Variants in PDXDC1 observed in about 807,000 individuals in gnomAD.
PDXDC1 encodes the protein pyridoxal dependent decarboxylase domain containing 1.
In PDXDC1, 42 loss-of-function variants were observed where a neutral mutation model predicts 100.1. The observed-to-expected ratio is 0.42, with a 90% confidence interval of 0.33 to 0.54. The LOEUF (loss-of-function observed/expected upper bound fraction) is 0.54, where lower values mean the gene tolerates loss of function less well. PDXDC1 is among the 20% of genes least tolerant of loss of function. The pLI, the probability that PDXDC1 is intolerant of heterozygous loss-of-function variation, is 0.10. For missense variants in PDXDC1, 636 were observed against 979.2 expected, an observed-to-expected ratio of 0.65 and a Z score of 4.68; for synonymous variants, 260 against 371.7, an observed-to-expected ratio of 0.70 and a Z score of 3.46.
intron 16 of PDXDC1, chr16:15,061,773 C>G (rs145434552): frequency 1.3e-5 from 21 of 1,613,776 alleles, no homozygotes; most frequent in Non-Finnish European, 5.1e-6. Context: ...ATGTACAACA[C>G]GGGTGGGGAG....
chr16:15,094,125 G>T, intron 16 of PDXDC1: 1 of 1,581,056 alleles, frequency 6.3e-7, no homozygotes, highest in Non-Finnish European at 8.6e-7. Context: ...ATACGCAGAA[G>T]GAAGCGGCCT....
chr16:15,148,081 T>C, the PDXDC1 span, among the ~76,000 whole-genome samples: 5 of 151,242 alleles, frequency 3.3e-5, no homozygotes, highest in South Asian at 2.1e-4. Context: ...CTCAACCTCA[T>C]AGACTCAGGG....
intron 16 of PDXDC1, chr16:15,071,048 T>C: frequency 7.4e-7 from 1 of 1,348,598 alleles, no homozygotes; most frequent in Non-Finnish European, 1.0e-6. Flanking sequence ...GGGAGATATT[T>C]CTGACTTGAG....
chr16:15,022,407 G>A (rs1424515995), intron 12 of PDXDC1, among the ~76,000 whole-genome samples: 2 of 152,286 alleles, frequency 1.3e-5, no homozygotes, highest in African/African-American at 4.8e-5. Context: ...TCAGTACTGT[G>A]CCTTGCACGT....
chr16:15,114,975 G>A (rs1403222740), intron 16 of PDXDC1, among the ~76,000 whole-genome samples: 7 of 127,252 alleles, frequency 5.5e-5, no homozygotes, highest in Admixed American at 1.9e-4. Context: ...CCACTCAGTC[G>A]CCCAGGCTGG....
downstream of PDXDC1, chr16:15,040,015 C>A: frequency 1.2e-6 from 2 of 1,612,264 alleles, no homozygotes; most frequent in Non-Finnish European, 1.7e-6. Context: ...CTCCTCCGGA[C>A]CCCGATCTTG....
In PDXDC1 at chr16:15,004,228, G is replaced by C; in HGVS notation, c.284G>C (p.Gly95Ala). The change falls in exon 5 of 23, where the codon GGA (glycine) becomes GCA (alanine). Residue 95 changes from glycine (G) to alanine (A), a missense_variant. Gly to Ala is a moderately conservative substitution (Grantham distance 60). This residue lies in a region of PDXDC1 where 125 missense variants were observed against 479.9 expected (regional missense o/e 0.26). Coordinates refer to ENST00000396410, the MANE Select transcript of PDXDC1 (RefSeq NM_015027.4). ...IGEQGHMALLGHSLGAYISTL... is the reference protein window; with the variant it reads ...IGEQGHMALLAHSLGAYISTL... The stretch of plus-strand genomic sequence containing the variant: ...GAACAAGGTCATATGGCTTTGTTGG[G>C]ACATAGTCTGGGAGCTTATATTTCA... The C allele has an allele frequency of 6.2e-7, 1 of 1,614,162 alleles. No individual in the cohort carries two copies. The highest frequency in any genetic ancestry group is 1.1e-5 in the South Asian group (1 of 91,076).
rs958896119 is a variant in PDXDC1 at position 15,037,247 on chromosome 16, C to G, written c.*972C>G. 6.6e-6 allele frequency: 1 copy of G among 152,240 alleles called. No individual in the cohort carries two copies. The highest frequency in any genetic ancestry group is 2.4e-5 in the African/African-American group (1 of 41,462). The allele number at this position is 152,240 out of a possible 1,614,324, so 9.4% of individuals were successfully genotyped here. The stretch of plus-strand genomic sequence containing the variant: ...CACCCTGCTTAAGTCAGTAGAAGCT[C>G]GCTGGCACTGCCCGTTCCTACTTTT... On this transcript the variant is annotated 3_prime_UTR_variant, in exon 23 of 23. Transcript: ENST00000396410.
intron 16 of PDXDC1, among the ~76,000 whole-genome samples, chr16:15,064,525 A>G (rs1244251645): frequency 6.6e-6 from 1 of 152,166 alleles, no homozygotes; most frequent in Non-Finnish European, 1.5e-5. Context: ...TGTGGTCTCT[A>G]GAGGAAGGAA....
At chr16:15,124,551 GA>G (rs1363537071) in intron 16 of PDXDC1, among the ~76,000 whole-genome samples, 1 of 150,940 alleles carries the variant, frequency 6.6e-6, no homozygotes, top group Non-Finnish European at 1.5e-5. Context: ...GAGGTGGGCG[GA>G]TCACAAGGTC....
In PDXDC1 at chr16:15,078,414, T is replaced by A. The variant is rs368649303; in HGVS notation, c.1399+48358T>A. 3.7e-4 allele frequency among the ~76,000 whole-genome samples: 56 copies of A among 152,064 alleles called. 1 individual carries two copies. The East Asian group carries it at 6.4e-3, about 17-fold the overall frequency. The stretch of plus-strand genomic sequence containing the variant: ...CACCAAGGTCTCTAACAGCCCCAAT[T>A]CTGCTTCCCCACCATCCACATCCTC... On this transcript the variant is annotated intron_variant, in intron 16 of 16. Coordinates refer to the PDXDC1 transcript ENST00000535621.
chr16:15,049,531 C>T (rs528695517), intron 16 of PDXDC1, among the ~76,000 whole-genome samples: 21 of 151,904 alleles, frequency 1.4e-4, no homozygotes, highest in African/African-American at 4.1e-4. Context: ...CAGGTTCAAG[C>T]GATTCTCGTG....
chr16:15,066,061 T>C (rs911783422), intron 16 of PDXDC1, among the ~76,000 whole-genome samples: 5 of 152,242 alleles, frequency 3.3e-5, no homozygotes, highest in African/African-American at 1.2e-4. Context: ...AGATGAGGAC[T>C]CAGATCTCAC....
At chr16:15,011,295 C>A (rs150070931) in intron 8 of PDXDC1, among the ~76,000 whole-genome samples, 6 of 152,288 alleles carry the variant, frequency 3.9e-5, no homozygotes, top group African/African-American at 1.4e-4. Context: ...CTGAGTAATT[C>A]GAGGGAGAAA....
chr16:14,975,995 C>T (rs1966778843), intron 1 of PDXDC1, among the ~76,000 whole-genome samples: 1 of 152,302 alleles, frequency 6.6e-6, no homozygotes, highest in South Asian at 2.1e-4. Context: ...AACTCGAAAT[C>T]CACTGGTAAC....
At chr16:15,124,765 C>T (rs1056941552) in intron 16 of PDXDC1, among the ~76,000 whole-genome samples, 1 of 150,754 alleles carries the variant, frequency 6.6e-6, no homozygotes, top group African/African-American at 2.4e-5. Flanking sequence ...GAGCGAGACT[C>T]TGTCTCAAAA....
the PDXDC1 span, among the ~76,000 whole-genome samples, chr16:15,150,430 C>T: frequency 1.7e-4 from 25 of 151,050 alleles, no homozygotes; most frequent in Non-Finnish European, 2.7e-4. Flanking sequence ...TTCGGGAGGC[C>T]GAGGCAAGCA....
At position 15,055,826 on chromosome 16, in the gene PDXDC1, G is replaced by A. The variant is rs2044489354; in HGVS notation, c.1399+25770G>A. ...TTCAAGTCTGTGTCGCGTGAGGGGG[G>A]CGCTAGCCCGCCCTGCAGCTTCCCC... On this transcript the variant is annotated intron_variant, in intron 16 of 16. Transcript: ENST00000535621. 1.6e-5 allele frequency: 14 copies of A among 880,462 alleles called. No individual in the cohort carries two copies. In the South Asian group the frequency reaches 7.3e-4, roughly 46 times the overall value. 54.5% of individuals were successfully genotyped at this position (880,462 alleles called of 1,614,324 possible).
chr16:14,983,335 G>A lies in PDXDC1; in HGVS notation c.21+8115G>A, dbSNP rs555504459. 6.6e-5 allele frequency among the ~76,000 whole-genome samples: 10 copies of A among 152,376 alleles called. No individual in the cohort carries two copies. In the East Asian group the frequency reaches 1.7e-3, roughly 26 times the overall value. On this transcript the variant is annotated intron_variant, in intron 1 of 22. Coordinates refer to ENST00000396410, the MANE Select transcript of PDXDC1 (RefSeq NM_015027.4). The stretch of plus-strand genomic sequence containing the variant: ...TGCCTGTAATCTCATCACTTTGGGA[G>A]GCCGAGGCGGGCAGATCATGAGGTC...
Sources: gnomAD v4.1 joint callset for allele counts (sites outside exome capture counted in the v4.1 genomes callset) on GRCh38, gnomAD v4.1.1 for gene constraint, gnomAD v4.1.1 regional missense constraint, MANE v1.5 for transcripts, NCBI Gene and HGNC (gene_info 2026-07-23, HGNC 2026-07-21) for gene names.